The following ERMP1 variants were observed in gnomAD, a reference collection of about 807,000 sequenced individuals.
ERMP1 encodes the protein Felix-ina.
Under a neutral mutation model 92.0 loss-of-function variants are expected in ERMP1, and 86 were observed. The ratio of observed to expected loss-of-function variants is 0.93; its 90% confidence interval spans 0.79 to 1.12. ERMP1 has a LOEUF of 1.12. Among genes scored for constraint, ERMP1 ranks in the 50% most tolerant of loss-of-function variants. The pLI, the probability that ERMP1 is intolerant of heterozygous loss-of-function variation, is 0.00. For missense variants in ERMP1, 1,342 were observed against 1,116.3 expected, an observed-to-expected ratio of 1.20 and a Z score of -2.88; for synonymous variants, 530 against 412.8, an observed-to-expected ratio of 1.28 and a Z score of -3.44.
chr9:5,814,408 T>C (rs1698375518), intron 4 of ERMP1, among the ~76,000 whole-genome samples: 1 of 152,212 alleles, frequency 6.6e-6, no homozygotes. Context: ...AATATTGTTT[T>C]TTTAACTTCA....
intron 13 of ERMP1, 47 bp downstream of exon 13, chr9:5,797,770 A>G: frequency 8.6e-7 from 1 of 1,158,190 alleles, no homozygotes; most frequent in Non-Finnish European, 1.3e-6. Flanking sequence ...ACTTATTAAC[A>G]AGTTTAAGAA....
rs542799157 is a variant in ERMP1 at position 5,847,263 on chromosome 9, G to A, written n.3199+12205C>T. On this transcript the variant is annotated intron_variant and non_coding_transcript_variant, in intron 6 of 6. Transcript: ENST00000690753. ...ATCACTGATTGTGATGCTCGATGTG[G>A]ATGACTATAAACAGGCCCAGCCTCA... is the stretch of plus-strand genomic sequence containing the variant. Among the ~76,000 whole-genome samples, 5 of 152,208 alleles carry A rather than the reference G, an allele frequency of 3.3e-5. No individual in the cohort carries two copies. The East Asian group carries it at 7.7e-4, about 24-fold the overall frequency.
At chr9:5,834,734 T>TGTGC (rs1830064476), upstream of ERMP1, among the ~76,000 whole-genome samples, 2 of 150,018 alleles carry the variant, frequency 1.3e-5, no homozygotes, top group Non-Finnish European at 3.0e-5. Flanking sequence ...TGTGTGTGTG[T>TGTGC]GTGTGTGTGT....
chr9:5,849,766 T>A (rs1001784511), intron 6 of ERMP1, among the ~76,000 whole-genome samples: 2 of 152,210 alleles, frequency 1.3e-5, no homozygotes, highest in African/African-American at 4.8e-5. Context: ...CATGTTTGGT[T>A]CTTATAGAAG....
At chr9:5,834,974 T>TGGAG (rs1830071753), upstream of ERMP1, among the ~76,000 whole-genome samples, 1 of 121,672 alleles carries the variant, frequency 8.2e-6, no homozygotes, top group African/African-American at 3.0e-5. Flanking sequence ...GATGGATAGA[T>TGGAG]AGATGTGTGT....
At chr9:5,811,438 T>A in intron 6 of ERMP1, 115 bp from the exon 7 acceptor site, 2 of 734,520 alleles carry the variant, frequency 2.7e-6, no homozygotes, top group Non-Finnish European at 4.3e-6. Context: ...CATATACTGT[T>A]TGAATGAAGA....
intron 13 of ERMP1, among the ~76,000 whole-genome samples, chr9:5,791,478 C>G (rs1414283345): frequency 1.3e-5 from 2 of 152,178 alleles, no homozygotes; most frequent in Non-Finnish European, 2.9e-5. Context: ...AATATTTTCA[C>G]AGAAACATCT....
At chr9:5,815,494 C>CAAAAAAAAAAAA (rs3068691) in intron 4 of ERMP1, among the ~76,000 whole-genome samples, 2 of 97,418 alleles carry the variant, frequency 2.1e-5, no homozygotes, top group Admixed American at 1.0e-4. Context: ...ACTGAAATAA[C>CAAAAAAAAAAAA]AAAAAAAAAA....
chr9:5,787,382 C>T (rs746164448), intron 14 of ERMP1, 48 bp downstream of exon 14: 2 of 1,603,082 alleles, frequency 1.2e-6, no homozygotes, highest in Non-Finnish European at 1.7e-6. Context: ...TGCTAAATAC[C>T]ACCTGGGAAC....
intron 8 of ERMP1, among the ~76,000 whole-genome samples, chr9:5,806,470 T>G (rs1828875108): frequency 6.6e-6 from 1 of 151,394 alleles, no homozygotes; most frequent in African/African-American, 2.4e-5. Flanking sequence ...CTCTGTCGCC[T>G]AGGCCGGAGT....
chr9:5,856,022 G>T (rs955906682), intron 6 of ERMP1: 1 of 340,708 alleles, frequency 2.9e-6, no homozygotes, highest in Non-Finnish European at 5.9e-6. Flanking sequence ...TACACCAGGT[G>T]GATTGAAGCC....
chr9:5,815,808 GACAA>G (rs1313961019), intron 4 of ERMP1, among the ~76,000 whole-genome samples: 8 of 152,126 alleles, frequency 5.3e-5, no homozygotes, highest in Middle Eastern at 3.4e-3. Context: ...TTAATAATGA[GACAA>G]ACAGATACCA....
chr9:5,819,264 C>G (rs576221286), intron 4 of ERMP1, among the ~76,000 whole-genome samples: 1 of 152,204 alleles, frequency 6.6e-6, no homozygotes, highest in African/African-American at 2.4e-5. Flanking sequence ...ATACATGCGA[C>G]AATGTGGATG....
At chr9:5,832,310 AAC>A (rs1377628160) in intron 1 of ERMP1, 1 of 190,814 alleles carries the variant, frequency 5.2e-6, no homozygotes, top group African/African-American at 2.3e-5. Flanking sequence ...GAATTTATAC[AAC>A]AGTCTAGGTA....
intron 6 of ERMP1, among the ~76,000 whole-genome samples, chr9:5,847,038 C>T (rs1830245348): frequency 6.6e-6 from 1 of 152,160 alleles, no homozygotes; most frequent in Non-Finnish European, 1.5e-5. Context: ...CTCTCAGCAC[C>T]AATGCTCAGC....
intron 5 of ERMP1, among the ~76,000 whole-genome samples, chr9:5,864,106 T>C (rs1451532514): frequency 6.6e-6 from 1 of 152,232 alleles, no homozygotes; most frequent in Non-Finnish European, 1.5e-5. Context: ...ACATTTTCAC[T>C]AGTCATGAAG....
In ERMP1 at chr9:5,805,627, C is replaced by A; in HGVS notation, c.1707G>T (p.Lys569Asn). 6.3e-7 allele frequency: 1 copy of A among 1,596,126 alleles called. No individual in the cohort carries two copies. Among genetic ancestry groups the A allele is most frequent in the Non-Finnish European group, 8.5e-7 (1 of 1,174,378 alleles). Residue 569 changes from lysine to asparagine, a missense_variant, in exon 9 of 15, where the codon AAG becomes AAT. Coordinates refer to ENST00000339450, the MANE Select transcript of ERMP1 (RefSeq NM_024896.3). ...ATACCCTACCATGCTGCTTGAAGTC[C>A]TTATGCACACAGAGCTTTGTGAGCA... Reference protein sequence around the residue: ...FPLLTKLCVHKDFKQHGAQGK... With the variant: ...FPLLTKLCVHNDFKQHGAQGK...
chr9:5,856,873 G>C (rs1236374138), intron 6 of ERMP1, among the ~76,000 whole-genome samples: 4 of 152,112 alleles, frequency 2.6e-5, no homozygotes, highest in African/African-American at 9.7e-5. Flanking sequence ...CGTATACATG[G>C]AATTTTCTTT....
intron 10 of ERMP1, among the ~76,000 whole-genome samples, chr9:5,802,237 C>T (rs776634755): frequency 6.6e-6 from 1 of 152,082 alleles, no homozygotes; most frequent in Non-Finnish European, 1.5e-5. Flanking sequence ...GATGTGTGAC[C>T]TAAGGCTAGT....
Sources: gnomAD v4.1 joint callset for allele counts (sites outside exome capture counted in the v4.1 genomes callset) on GRCh38, gnomAD v4.1.1 for gene constraint, MANE v1.5 for transcripts, NCBI Gene and HGNC (gene_info 2026-07-23, HGNC 2026-07-21) for gene names.